UBN2: variants seen among roughly 807,000 people sequenced by gnomAD.
UBN2 encodes the protein ubinuclein-2.
In UBN2, 35 loss-of-function variants were observed where a neutral mutation model predicts 120.2. The observed-to-expected ratio is 0.29, with a 90% CI of 0.22 to 0.39. The LOEUF (loss-of-function observed/expected upper bound fraction) is 0.39. Among genes scored for constraint, UBN2 ranks in the 10% least tolerant of loss-of-function variants. UBN2 has a pLI of 1.00. For synonymous variants in UBN2, 661 were observed against 648.7 expected, an observed-to-expected ratio of 1.02 and a Z score of -0.29; for missense variants, 1,693 against 1,663.2, an observed-to-expected ratio of 1.02 and a Z score of -0.31.
At position 139,232,053 on chromosome 7, in the gene UBN2, G is replaced by A. The variant is rs753342142; in HGVS notation, c.468+101G>A. 3.2e-4 allele frequency: 387 copies of A among 1,213,224 alleles called. 1 individual carries two copies. Among genetic ancestry groups the A allele is most frequent in the Non-Finnish European group, 4.1e-4 (369 of 891,568 alleles). The allele number at this position is 1,213,224 out of a possible 1,614,324, so 75.2% of individuals were successfully genotyped here. The stretch of plus-strand genomic sequence containing the variant: ...CTTGGGACGCCCACCGAGCGCGTCC[G>A]GGTCGCCCCGAGGGTGGGGTGCGGG... On this transcript the variant is annotated intron_variant, in intron 1 of 17. Transcript: ENST00000473989.
intron 7 of UBN2, 62 bp downstream of exon 7, chr7:139,266,465 C>A: frequency 1.1e-6 from 1 of 929,920 alleles, no homozygotes; most frequent in Admixed American, 2.4e-5. Context: ...TGTAATAGGC[C>A]TTTGAGATAC....
intron 2 of UBN2, among the ~76,000 whole-genome samples, chr7:139,239,404 A>T (rs1796252961): frequency 6.6e-6 from 1 of 152,140 alleles, no homozygotes; most frequent in Non-Finnish European, 1.5e-5. Flanking sequence ...ATTAGTCTGT[A>T]AAATGGCATT....
At chr7:139,274,227 A>G (rs997121957) in intron 11 of UBN2, among the ~76,000 whole-genome samples, 153 bp downstream of exon 11, 1 of 152,214 alleles carries the variant, frequency 6.6e-6, no homozygotes, top group Non-Finnish European at 1.5e-5. Context: ...CCTTGCTTTG[A>G]AAACCTTAAG....
chr7:139,307,508 A>T lies in UBN2; in HGVS notation c.*9672A>T, dbSNP rs186213811. On this transcript the variant is annotated 3_prime_UTR_variant, in exon 18 of 18. Coordinates refer to ENST00000473989, the MANE Select transcript of UBN2 (RefSeq NM_173569.4). ...AAAAAAAAAAAAAATAAATTTAAAT[A>T]AAAGGGGGTGGTGATGACATGTGAA... 3.9e-5 allele frequency: 6 copies of T among 151,938 alleles called. No individual in the cohort carries two copies. Among genetic ancestry groups the T allele is most frequent in the Admixed American group, 3.9e-4 (6 of 15,270 alleles). The allele number at this position is 151,938 out of a possible 1,614,324, so 9.4% of individuals were successfully genotyped here.
Position 139,231,851 on chromosome 7 carries a change from C to T in UBN2, c.367C>T (p.Pro123Ser), listed in dbSNP as rs1584978750. Residue 123 changes from proline (P) to serine (S), a missense_variant, in exon 1 of 18, where the codon CCG becomes TCG. Transcript: ENST00000473989. Reference sequence around the variant, plus strand: ...CCGGGCTGAGCAGCCGCCGCGGCCGCCGAGGGAGACGGTGCGCCTGGAGCT... The same window carrying T: ...CCGGGCTGAGCAGCCGCCGCGGCCGTCGAGGGAGACGGTGCGCCTGGAGCT... ...ASRAEQPPRP[P>S]RETVRLELVL... is the part of the protein sequence containing the mutation. 2 of 1,550,752 alleles carry T rather than the reference C, an allele frequency of 1.3e-6. No homozygotes were observed. The highest frequency in any genetic ancestry group is 5.3e-5 in the East Asian group (2 of 37,976).
rs978087630 is a variant in UBN2, at chr7:139,304,233, C to T, written c.*6397C>T. 3 of 151,796 alleles carry T rather than the reference C, an allele frequency of 2.0e-5. No individual in the cohort carries two copies. The highest frequency in any genetic ancestry group is 7.3e-5 in the African/African-American group (3 of 41,272). 9.4% of individuals were successfully genotyped at this position (151,796 alleles called of 1,614,324 possible). The stretch of plus-strand genomic sequence containing the variant: ...TGCACCTTTGTAATTCATGCTTCTT[C>T]AACCCATGAAAGAGGTGGAGCCATC... On this transcript the variant is annotated 3_prime_UTR_variant, in exon 18 of 18. Coordinates refer to ENST00000473989, the MANE Select transcript of UBN2 (RefSeq NM_173569.4).
chr7:139,284,184 T>G lies in UBN2; in HGVS notation c.3279T>G (p.Ser1093Arg), dbSNP rs1797707611. 1 of 1,613,948 alleles carries G rather than the reference T, an allele frequency of 6.2e-7. No homozygotes were observed. Among genetic ancestry groups the G allele is most frequent in the Admixed American group, 1.7e-5 (1 of 59,996 alleles). Residue 1093 changes from serine (S) to arginine (R), a missense_variant, in exon 15 of 18, where the codon AGT becomes AGG. Physicochemically the swap from Ser to Arg is moderately radical, Grantham distance 110. Around this residue, in one of 5 missense-constraint regions of UBN2, gnomAD observed 837 missense variants for 817.6 expected, o/e 1.02. Transcript: ENST00000473989. ...CTACTGTATCCCCAAGTAGTTCCAG[T>G]CCAAATGCACTAGTTGCCCAGGGTA... ...PKPTVSPSSSSPNALVAQGSH... is the reference protein window; with the variant it reads ...PKPTVSPSSSRPNALVAQGSH...
intron 14 of UBN2, among the ~76,000 whole-genome samples, chr7:139,282,765 TGTAACTA>T (rs1307493623): frequency 6.6e-6 from 1 of 152,142 alleles, no homozygotes; most frequent in East Asian, 1.9e-4. Flanking sequence ...TCATCAGTAA[TGTAACTA>T]GTATATGAAT....
chr7:139,322,295 TAAAC>T, the UBN2 span, among the ~76,000 whole-genome samples: 41 of 151,920 alleles, frequency 2.7e-4, no homozygotes, highest in African/African-American at 6.5e-4. Context: ...TTAAGTAAAA[TAAAC>T]AAACAAACAA....
chr7:139,326,500 T>C, the UBN2 span, among the ~76,000 whole-genome samples: 14 of 152,228 alleles, frequency 9.2e-5, no homozygotes, highest in Admixed American at 1.3e-4. Context: ...TTGCTTGTTA[T>C]TTATCATTAT....
chr7:139,240,542 C>T (rs918623038), intron 2 of UBN2, among the ~76,000 whole-genome samples: 3 of 150,636 alleles, frequency 2.0e-5, no homozygotes, highest in Non-Finnish European at 4.4e-5. Flanking sequence ...TCCTGCTGGG[C>T]GTTATATGCC....
intron 12 of UBN2, chr7:139,277,588 G>A (rs1303899858): frequency 6.6e-6 from 1 of 152,156 alleles, no homozygotes; most frequent in Non-Finnish European, 1.5e-5. Context: ...GATGCATTGA[G>A]TTGGTTGTGG....
chr7:139,309,171 AAATATC>A (rs1798413633), downstream of UBN2, among the ~76,000 whole-genome samples: 1 of 152,264 alleles, frequency 6.6e-6, no homozygotes, highest in Non-Finnish European at 1.5e-5. Context: ...TCTGCATAGA[AAATATC>A]AAAAAGGTTC....
Position 139,276,229 on chromosome 7 carries a change from A to G in UBN2, c.2024+82A>G, listed in dbSNP as rs1365387424. 4 of 1,290,986 alleles carry G rather than the reference A, an allele frequency of 3.1e-6. No homozygotes were observed. In the African/African-American group the frequency reaches 4.4e-5, roughly 14 times the overall value. 80.0% of individuals were successfully genotyped at this position (1,290,986 alleles called of 1,614,324 possible). On this transcript the variant is annotated intron_variant, in intron 12 of 17. Transcript: ENST00000473989. ...ACAAAAGTATCATTTATTAAATGCT[A>G]GTTGGAATAGGACTTAAAAAGATCA... is the stretch of plus-strand genomic sequence containing the variant.
chr7:139,322,927 A>C, the UBN2 span, among the ~76,000 whole-genome samples: 1 of 152,176 alleles, frequency 6.6e-6, no homozygotes, highest in African/African-American at 2.4e-5. Flanking sequence ...CAGGACAGAA[A>C]GAAGTCACCC....
At chr7:139,240,147 A>T (rs904458559) in intron 2 of UBN2, among the ~76,000 whole-genome samples, 2 of 152,054 alleles carry the variant, frequency 1.3e-5, no homozygotes, top group African/African-American at 4.8e-5. Flanking sequence ...TTATAGTCTA[A>T]ATTAATGGGC....
chr7:139,287,669 CTTTT>C (rs60585708), intron 15 of UBN2, among the ~76,000 whole-genome samples: 1 of 138,788 alleles, frequency 7.2e-6, no homozygotes, highest in Non-Finnish European at 1.6e-5. Flanking sequence ...CATATCTGAT[CTTTT>C]TTTTTTTTTT....
chr7:139,274,149 A>G (rs961947001), intron 11 of UBN2, 75 bp downstream of exon 11: 22 of 1,327,396 alleles, frequency 1.7e-5, no homozygotes, highest in Non-Finnish European at 2.2e-5. Context: ...ATACACATAC[A>G]CATATGTGAC....
downstream of UBN2, among the ~76,000 whole-genome samples, chr7:139,311,536 C>T (rs1798446870): frequency 6.6e-6 from 1 of 152,228 alleles, no homozygotes; most frequent in African/African-American, 2.4e-5. Flanking sequence ...GGTGAGACCC[C>T]AGGCGGGTGT....
Sources: gnomAD v4.1 joint callset for allele counts (sites outside exome capture counted in the v4.1 genomes callset) on GRCh38, gnomAD v4.1.1 for gene constraint, gnomAD v4.1.1 regional missense constraint, MANE v1.5 for transcripts, NCBI Gene and HGNC (gene_info 2026-07-23, HGNC 2026-07-21) for gene names.